The following ATP10D variants were observed in gnomAD, a reference collection of about 807,000 sequenced individuals.
ATP10D encodes phospholipid-transporting ATPase VD.
ATP10D carries 89 observed loss-of-function variants against 144.8 expected under a neutral mutation model. The ratio of observed to expected loss-of-function variants is 0.61; its 90% CI spans 0.52 to 0.73. ATP10D has a LOEUF of 0.73. ATP10D is among the 30% of genes least tolerant of loss of function. The pLI is 0.00. For missense variants in ATP10D, 1,603 were observed against 1,714.8 expected, an observed-to-expected ratio of 0.93 and a Z score of 1.15; for synonymous variants, 571 against 615.1, an observed-to-expected ratio of 0.93 and a Z score of 1.06.
intron 21 of ATP10D, 93 bp downstream of exon 21, chr4:47,582,157 T>A (rs531021226): frequency 9.8e-7 from 1 of 1,018,272 alleles, no homozygotes; most frequent in Admixed American, 1.8e-5. Flanking sequence ...TAAGTGGTAA[T>A]GAGAAGAGTA....
intron 1 of ATP10D, among the ~76,000 whole-genome samples, chr4:47,510,961 G>A (rs1279351062): frequency 6.6e-6 from 1 of 152,124 alleles, no homozygotes; most frequent in Non-Finnish European, 1.5e-5. Flanking sequence ...CTAATGAAAA[G>A]CACTTAGTAT....
chr4:47,509,946 GTGTGT>G (rs1373111966), intron 1 of ATP10D, among the ~76,000 whole-genome samples: 4 of 9,326 alleles, frequency 4.3e-4, no homozygotes, highest in Non-Finnish European at 6.6e-4. Flanking sequence ...TTTCAGGGGT[GTGTGT>G]GTGTGTGTGT....
Position 47,582,053 on chromosome 4 carries a change from AG to A in ATP10D, c.3743del (p.Ser1248ThrfsTer4). The A allele has an allele frequency of 6.2e-7, 1 of 1,613,558 alleles. No individual in the cohort carries two copies. Among genetic ancestry groups the A allele is most frequent in the South Asian group, 1.1e-5 (1 of 91,072 alleles). On this transcript the variant is annotated frameshift_variant, in exon 21 of 23. Transcript: ENST00000273859. LOFTEE classifies it high-confidence loss of function. ...FIVLLHLVIE[S>X]KSLTWIHLLV... ...CGTTCTCCTCCATCTGGTCATTGAA[AG>A]CAAGAGTTTGGTGAGTGGTTTTCTT... is the stretch of plus-strand genomic sequence containing the variant.
chr4:47,558,834 T>A, intron 12 of ATP10D, 89 bp from the exon 13 acceptor site: 3 of 1,046,558 alleles, frequency 2.9e-6, no homozygotes, highest in Non-Finnish European at 4.2e-6. Context: ...TTTGTTTTTT[T>A]AGTGTGGATA....
intron 3 of ATP10D, among the ~76,000 whole-genome samples, chr4:47,522,019 A>T (rs1716967079): frequency 6.6e-6 from 1 of 152,254 alleles, no homozygotes; most frequent in Admixed American, 6.5e-5. Flanking sequence ...ATCTGATGAA[A>T]TAAAATAAGT....
In ATP10D at chr4:47,560,981, G is replaced by T; in HGVS notation, c.2574G>T (p.Leu858=). 1 of 1,614,160 alleles carries T rather than the reference G, an allele frequency of 6.2e-7. No homozygotes were observed. The highest frequency in any genetic ancestry group is 8.5e-7 in the Non-Finnish European group (1 of 1,179,982). The change falls in exon 14 of 23, where the codon CTG becomes CTT. Residue 858 remains leucine, a synonymous_variant. Transcript: ENST00000273859. The stretch of plus-strand genomic sequence containing the variant: ...GTGACACTGAATATGCAGAGTGGCT[G>T]AGGAATCATTTTTTAGCTGAAACCA... ...VMSDTEYAEW[L]RNHFLAETSI... is the part of the protein sequence containing the mutation.
At chr4:47,584,537 C>G (rs1261707160) in intron 21 of ATP10D, among the ~76,000 whole-genome samples, 1 of 151,974 alleles carries the variant, frequency 6.6e-6, no homozygotes, top group Admixed American at 6.6e-5. Context: ...GGACTACAGG[C>G]GCCCACCACC....
chr4:47,587,636 G>T (rs1298323401), intron 22 of ATP10D, among the ~76,000 whole-genome samples: 8 of 152,254 alleles, frequency 5.3e-5, no homozygotes, highest in South Asian at 2.1e-4. Context: ...GCCACCAGAA[G>T]ATTTGACGAT....
intron 1 of ATP10D, among the ~76,000 whole-genome samples, chr4:47,504,017 T>C (rs772454282): frequency 2.8e-4 from 43 of 152,216 alleles, no homozygotes; most frequent in Non-Finnish European, 4.6e-4. Flanking sequence ...ATATGGAATA[T>C]GTACTCCTAC....
intron 19 of ATP10D, among the ~76,000 whole-genome samples, chr4:47,577,704 T>A (rs1393250260): frequency 6.6e-6 from 1 of 152,196 alleles, no homozygotes; most frequent in Non-Finnish European, 1.5e-5. Flanking sequence ...TCATTTAGTG[T>A]CCTTACACTA....
In ATP10D at chr4:47,536,050, T is replaced by A. The variant is rs1717831632; in HGVS notation, c.1015+17T>A. ...GCGCAGTAGGTAGGTAAAATTTGATTATTTGCTGACATCTTTTCAGCAAGA... is the reference window on the plus strand; with the variant it reads ...GCGCAGTAGGTAGGTAAAATTTGATAATTTGCTGACATCTTTTCAGCAAGA... On this transcript the variant is annotated intron_variant, in intron 7 of 22. Transcript: ENST00000273859. 6.3e-7 allele frequency: 1 copy of A among 1,596,030 alleles called. No homozygotes were observed. The highest frequency in any genetic ancestry group is 8.5e-7 in the Non-Finnish European group (1 of 1,173,330).
At chr4:47,488,463 C>T (rs959116908) in intron 1 of ATP10D, among the ~76,000 whole-genome samples, 1 of 151,806 alleles carries the variant, frequency 6.6e-6, no homozygotes, top group African/African-American at 2.4e-5. Context: ...TTTCCCCCAC[C>T]CCCTAGAAAA....
At chr4:47,569,840 A>G (rs930554482) in intron 16 of ATP10D, among the ~76,000 whole-genome samples, 83 of 152,322 alleles carry the variant, frequency 5.4e-4, no homozygotes, top group Middle Eastern at 6.8e-3. Flanking sequence ...CATGGGAGAC[A>G]TGGAGAAGAA....
intron 20 of ATP10D, 63 bp downstream of exon 20, chr4:47,580,541 G>A (rs749408662): frequency 6.1e-6 from 9 of 1,465,154 alleles, no homozygotes; most frequent in Non-Finnish European, 6.7e-6. Flanking sequence ...TTTGTACTTT[G>A]CCACCAATTT....
chr4:47,527,077 G>A (rs193175766), intron 5 of ATP10D, among the ~76,000 whole-genome samples: 209 of 152,224 alleles, frequency 1.4e-3, no homozygotes, highest in African/African-American at 4.9e-3. Flanking sequence ...ATAATAATCA[G>A]GCCAGTGTCA....
Position 47,576,775 on chromosome 4 carries a change from C to G in ATP10D, c.3369C>G (p.Ala1123=). 2 of 1,613,544 alleles carry G rather than the reference C, an allele frequency of 1.2e-6. No individual in the cohort carries two copies. Among genetic ancestry groups the G allele is most frequent in the African/African-American group, 2.7e-5 (2 of 75,018 alleles). ...AATGTCCTTCTTTGTGTCTCTAGGC[C>G]TATGTGAACCTCCTTTTCTGGTACC... ...MILYFFYKNV[A]YVNLLFWYQF... The change falls in exon 19 of 23, where the codon GCC becomes GCG. Residue 1123 remains alanine, a splice_region_variant and synonymous_variant. Transcript: ENST00000273859.
intron 21 of ATP10D, among the ~76,000 whole-genome samples, chr4:47,585,994 T>C (rs1476484768): frequency 2.0e-5 from 3 of 152,252 alleles, no homozygotes; most frequent in Non-Finnish European, 4.4e-5. Flanking sequence ...TGATTTCCTT[T>C]CTTTTGGGTG....
At chr4:47,545,766 T>C (rs1409455379) in intron 9 of ATP10D, among the ~76,000 whole-genome samples, 1 of 152,212 alleles carries the variant, frequency 6.6e-6, no homozygotes, top group South Asian at 2.1e-4. Flanking sequence ...TGTATTCTAC[T>C]GGATGATTCA....
chr4:47,509,943 GGTGTGTGTGTGTGTGTGTGT>G (rs67386792), intron 1 of ATP10D, among the ~76,000 whole-genome samples: 2 of 143,716 alleles, frequency 1.4e-5, no homozygotes, highest in Admixed American at 1.4e-4. Context: ...TTGTTTCAGG[GGTGTGTGTGTGTGTGTGTGT>G]GTGTGTGTGT....
Sources: gnomAD v4.1 joint callset for allele counts (sites outside exome capture counted in the v4.1 genomes callset) on GRCh38, gnomAD v4.1.1 for gene constraint, MANE v1.5 for transcripts, NCBI Gene and HGNC (gene_info 2026-07-23, HGNC 2026-07-21) for gene names.